Variants in RASEF observed in about 807,000 individuals in gnomAD.
RASEF encodes the protein RAS and EF-hand domain containing, also known as ras and EF-hand domain-containing protein.
RASEF carries 68 observed loss-of-function variants against 90.1 expected under a neutral mutation model. The observed-to-expected ratio is 0.75, with a 90% CI of 0.62 to 0.92. The LOEUF (loss-of-function observed/expected upper bound fraction) is 0.92. RASEF is among the 40% of genes least tolerant of loss of function. The pLI is 0.00. For missense variants in RASEF, 949 were observed against 937.2 expected (o/e 1.01, Z -0.16); for synonymous variants, 331 against 345.2 (o/e 0.96, Z 0.46).
At chr9:83,147,875 G>A in the RASEF span, among the ~76,000 whole-genome samples, 552 of 152,110 alleles carry the variant, frequency 3.6e-3, 1 homozygote, top group Non-Finnish European at 5.4e-3. Flanking sequence ...TGGTCATCCC[G>A]CTGCCGAACT....
the RASEF span, among the ~76,000 whole-genome samples, chr9:83,184,133 G>A: frequency 2.0e-5 from 3 of 152,284 alleles, no homozygotes; most frequent in African/African-American, 7.2e-5. Flanking sequence ...CAAGTCAATG[G>A]GGGAAGGAAT....
chr9:83,121,193 A>G, the RASEF span, among the ~76,000 whole-genome samples: 1 of 152,048 alleles, frequency 6.6e-6, no homozygotes. Context: ...TTTTCTGAAG[A>G]AAAAAATGTT....
the RASEF span, among the ~76,000 whole-genome samples, chr9:83,166,096 T>G: frequency 6.6e-6 from 1 of 152,152 alleles, no homozygotes; most frequent in African/African-American, 2.4e-5. Flanking sequence ...AGAGAAAATA[T>G]ACAAATCCTC....
At chr9:83,143,795 C>T in the RASEF span, among the ~76,000 whole-genome samples, 1 of 152,156 alleles carries the variant, frequency 6.6e-6, no homozygotes, top group East Asian at 1.9e-4. Flanking sequence ...GCCTAGCAAT[C>T]CCATTACTGG....
the RASEF span, among the ~76,000 whole-genome samples, chr9:83,218,116 T>C: frequency 6.6e-6 from 1 of 152,002 alleles, no homozygotes; most frequent in Non-Finnish European, 1.5e-5. Context: ...GATAAATGAG[T>C]GAATGAATTT....
At chr9:82,996,991 T>C in intron 14 of RASEF, 21 bp downstream of exon 14, 1 of 1,373,548 alleles carries the variant, frequency 7.3e-7, no homozygotes, top group Non-Finnish European at 1.0e-6. Flanking sequence ...AATTTTCTGT[T>C]TCTCCATTAT....
At chr9:82,990,300 C>T (rs1279839176) in intron 16 of RASEF, 91 bp downstream of exon 16, 14 of 813,204 alleles carry the variant, frequency 1.7e-5, no homozygotes, top group African/African-American at 3.5e-5. Flanking sequence ...AGTGTTTTCC[C>T]GCATATATTC....
chr9:83,215,550 G>A, the RASEF span, among the ~76,000 whole-genome samples: 1 of 152,160 alleles, frequency 6.6e-6, no homozygotes, highest in African/African-American at 2.4e-5. Flanking sequence ...CCTGCTAAGG[G>A]GATCAGGGAA....
At chr9:83,106,649 A>T in the RASEF span, among the ~76,000 whole-genome samples, 1 of 152,240 alleles carries the variant, frequency 6.6e-6, no homozygotes, top group Non-Finnish European at 1.5e-5. Flanking sequence ...CACCTGCTCC[A>T]CTAGGATGGC....
the RASEF span, among the ~76,000 whole-genome samples, chr9:83,085,329 A>C: frequency 0.021 from 3,165 of 152,322 alleles, 91 homozygotes; most frequent in African/African-American, 0.072. Context: ...AAATCATTCA[A>C]GCATTATAAA....
At chr9:83,010,218 C>T (rs1437840859) in intron 5 of RASEF, among the ~76,000 whole-genome samples, 3 of 151,994 alleles carry the variant, frequency 2.0e-5, no homozygotes, top group African/African-American at 7.3e-5. Context: ...AAAAATAAAC[C>T]AGTGTGATTT....
At chr9:83,173,435 T>G in the RASEF span, among the ~76,000 whole-genome samples, 3 of 151,828 alleles carry the variant, frequency 2.0e-5, no homozygotes, top group Non-Finnish European at 4.4e-5. Flanking sequence ...TTTTCATTGT[T>G]TTTTCTCCTC....
intron 1 of RASEF, among the ~76,000 whole-genome samples, chr9:83,060,346 C>T (rs775390472): frequency 3.3e-5 from 5 of 152,192 alleles, no homozygotes; most frequent in Non-Finnish European, 5.9e-5. Context: ...TGCTTGCAGC[C>T]GTCTGTTGGG....
chr9:83,166,769 C>T, the RASEF span, among the ~76,000 whole-genome samples: 1 of 151,232 alleles, frequency 6.6e-6, no homozygotes. Context: ...GCAGAGAACT[C>T]ACTCAGTGAC....
the RASEF span, among the ~76,000 whole-genome samples, chr9:83,122,854 T>C: frequency 2.0e-5 from 3 of 152,172 alleles, no homozygotes; most frequent in Non-Finnish European, 4.4e-5. Context: ...TGATTTCTTC[T>C]GGGGGACTGA....
chr9:82,990,591 A>G (rs911603977), intron 15 of RASEF, 124 bp from the exon 16 acceptor site: 2 of 601,866 alleles, frequency 3.3e-6, no homozygotes, highest in Non-Finnish European at 5.7e-6. Context: ...ACTAATAGCT[A>G]AGAAACTGAA....
At chr9:83,019,963 G>T (rs1185225853) in intron 3 of RASEF, among the ~76,000 whole-genome samples, 1 of 152,226 alleles carries the variant, frequency 6.6e-6, no homozygotes, top group Non-Finnish European at 1.5e-5. Context: ...CAAGGGGCAT[G>T]AAGAAACTTC....
At chr9:83,205,632 C>T in the RASEF span, among the ~76,000 whole-genome samples, 1 of 152,132 alleles carries the variant, frequency 6.6e-6, no homozygotes, top group Non-Finnish European at 1.5e-5. Context: ...TTGCACTTCT[C>T]TTACAGAACT....
In RASEF at chr9:83,005,275, G is replaced by A. The variant is rs548591217; in HGVS notation, c.1113+141C>T. 1.1e-4 allele frequency: 67 copies of A among 628,466 alleles called. 1 individual carries two copies. Among genetic ancestry groups the A allele is most frequent in the South Asian group, 8.1e-4 (38 of 46,934 alleles). The allele number at this position is 628,466 out of a possible 1,614,324, so 38.9% of individuals were successfully genotyped here. On this transcript the variant is annotated intron_variant, in intron 8 of 16. Coordinates refer to ENST00000376447, the MANE Select transcript of RASEF (RefSeq NM_152573.4). ...TTTTAATTTGGAAAAATGCTGCCTC[G>A]TTTTATTTTATGGAAAGATCTTCTC...
Sources: allele counts gnomAD v4.1 joint callset (sites outside exome capture counted in the v4.1 genomes callset), GRCh38; gene constraint gnomAD v4.1.1; transcripts MANE v1.5; gene names NCBI Gene and HGNC (gene_info 2026-07-23, HGNC 2026-07-21).